Variants in ATP5F1C observed in about 807,000 individuals in gnomAD.
ATP5F1C encodes ATP synthase F(1) complex subunit gamma, mitochondrial.
Under a neutral mutation model 37.4 loss-of-function variants are expected in ATP5F1C, and 22 were observed. That is an observed-to-expected ratio of 0.59 (90% CI 0.42 to 0.84). The LOEUF (loss-of-function observed/expected upper bound fraction) is 0.84, where lower values mean the gene tolerates loss of function less well. Among genes scored for constraint, ATP5F1C ranks in the 40% least tolerant of loss-of-function variants. The pLI is 0.00. For missense variants in ATP5F1C, 286 were observed against 362.4 expected (o/e 0.79, Z 1.71); for synonymous variants, 121 against 128.0 (o/e 0.95, Z 0.37).
intron 4 of ATP5F1C, chr10:7,799,441 A>G (rs1203390038): frequency 1.8e-6 from 1 of 560,616 alleles, no homozygotes; most frequent in Non-Finnish European, 3.1e-6. Context: ...GTTGAATGCC[A>G]TGTGAATATC....
In ATP5F1C at chr10:7,802,795, T is replaced by C; in HGVS notation, c.831T>C (p.Arg277=). The C allele has an allele frequency of 6.2e-7, 1 of 1,614,054 alleles. No individual in the cohort carries two copies. The highest frequency in any genetic ancestry group is 8.5e-7 in the Non-Finnish European group (1 of 1,179,986). ...MIDKLTLTFN[R]TRQAVITKEL... is the part of the protein sequence containing the mutation. Reference sequence around the variant, plus strand: ...ACAAATTGACATTGACATTCAACCGTACCCGCCAAGCTGTCATCACAAAAG... The same window carrying C: ...ACAAATTGACATTGACATTCAACCGCACCCGCCAAGCTGTCATCACAAAAG... Residue 277 remains arginine, a synonymous_variant, in exon 8 of 10, where the codon CGT becomes CGC. Coordinates refer to ENST00000356708, the MANE Select transcript of ATP5F1C (RefSeq NM_001001973.3).
At chr10:7,794,517 C>T (rs1379760856) in intron 1 of ATP5F1C, among the ~76,000 whole-genome samples, 2 of 144,646 alleles carry the variant, frequency 1.4e-5, no homozygotes, top group Admixed American at 7.0e-5. Flanking sequence ...TTTTTTTTAG[C>T]AGGTTGAGGA....
chr10:7,798,575 T>G (rs1038487556), intron 3 of ATP5F1C, among the ~76,000 whole-genome samples: 2 of 152,094 alleles, frequency 1.3e-5, no homozygotes, highest in Non-Finnish European at 2.9e-5. Flanking sequence ...CCTGGCTAAT[T>G]TTTTTGTATT....
chr10:7,800,006 A>G lies in ATP5F1C; in HGVS notation c.573-21A>G, dbSNP rs200842688. 4.6e-4 allele frequency: 746 copies of G among 1,610,478 alleles called. 1 individual carries two copies. Among genetic ancestry groups the G allele is most frequent in the South Asian group, 4.8e-4 (43 of 89,992 alleles). On this transcript the variant is annotated intron_variant, in intron 5 of 9. Coordinates refer to ENST00000356708, the MANE Select transcript of ATP5F1C (RefSeq NM_001001973.3). ...GTTTAAAAATTATTTTGAGATTTAC[A>G]TTTGTTTTTGTCAATTCTAGGTCTG...
Position 7,800,055 on chromosome 10 carries a change from A to G in ATP5F1C, c.601A>G (p.Lys201Glu). Residue 201 changes from lysine to glutamate, a missense_variant, in exon 6 of 10, where the codon AAG becomes GAG. By Grantham distance (56) the Lys-to-Glu change is moderately conservative. Transcript: ENST00000356708. ...TGTCATCTCCTATAAGACAGAAGAA[A>G]AGCCCATCTTTTCCCTTAATACCGT... ...RSVISYKTEE[K>E]PIFSLNTVAS... 6.2e-7 allele frequency: 1 copy of G among 1,614,052 alleles called. No homozygotes were observed. The highest frequency in any genetic ancestry group is 8.5e-7 in the Non-Finnish European group (1 of 1,180,032).
chr10:7,794,208 A>G (rs147349296), intron 1 of ATP5F1C, among the ~76,000 whole-genome samples: 2 of 152,358 alleles, frequency 1.3e-5, no homozygotes, highest in East Asian at 1.9e-4. Context: ...AGCTTTTTAT[A>G]TACACTAACC....
At position 7,797,052 on chromosome 10, in the gene ATP5F1C, A is replaced by G; in HGVS notation, c.97A>G (p.Arg33Gly). 2 of 1,614,044 alleles carry G rather than the reference A, an allele frequency of 1.2e-6. No individual in the cohort carries two copies. The highest frequency in any genetic ancestry group is 1.7e-6 in the Non-Finnish European group (2 of 1,179,936). ...RNMATLKDIT[R>G]RLKSIKNIQK... is the part of the protein sequence containing the mutation. ...ACAGTACTTCTATTTTTCAGTCACCAGGAGACTAAAGTCCATCAAAAACAT... is the reference window on the plus strand; with the variant it reads ...ACAGTACTTCTATTTTTCAGTCACCGGGAGACTAAAGTCCATCAAAAACAT... Residue 33 changes from arginine to glycine, a missense_variant, in exon 3 of 10, where the codon AGG becomes GGG. Coordinates refer to ENST00000356708, the MANE Select transcript of ATP5F1C (RefSeq NM_001001973.3).
chr10:7,795,936 G>A (rs1317031352), intron 1 of ATP5F1C, among the ~76,000 whole-genome samples, 185 bp from the exon 2 acceptor site: 1 of 152,162 alleles, frequency 6.6e-6, no homozygotes, highest in African/African-American at 2.4e-5. Flanking sequence ...CTTCAATACA[G>A]GGATTTGCGC....
chr10:7,788,353 G>A (rs1002766049), intron 1 of ATP5F1C, 90 bp downstream of exon 1: 186 of 1,536,376 alleles, frequency 1.2e-4, no homozygotes, highest in Non-Finnish European at 1.6e-4. Flanking sequence ...CGCGGGGGCA[G>A]ATGTGGGGTC....
chr10:7,800,362 A>AT (rs1332886933), intron 6 of ATP5F1C, among the ~76,000 whole-genome samples: 2 of 147,218 alleles, frequency 1.4e-5, no homozygotes, highest in African/African-American at 5.0e-5. Flanking sequence ...AGCCTGGCTA[A>AT]TTTTTTGTAT....
chr10:7,790,959 A>G (rs555951391), intron 1 of ATP5F1C, among the ~76,000 whole-genome samples: 16 of 152,348 alleles, frequency 1.1e-4, no homozygotes, highest in East Asian at 1.9e-4. Context: ...CAGTTTCTAC[A>G]TCAAATGTAA....
chr10:7,794,134 T>C (rs1056638315), intron 1 of ATP5F1C, among the ~76,000 whole-genome samples: 2 of 152,196 alleles, frequency 1.3e-5, no homozygotes, highest in African/African-American at 2.4e-5. Context: ...AACCATACAA[T>C]TGTGTGCGGG....
At chr10:7,804,906 T>C (rs981582581) in intron 8 of ATP5F1C, among the ~76,000 whole-genome samples, 1 of 152,236 alleles carries the variant, frequency 6.6e-6, no homozygotes, top group Non-Finnish European at 1.5e-5. Context: ...CCTTAAGTGT[T>C]ACTTTTCAAG....
chr10:7,792,321 A>G (rs780745771), intron 1 of ATP5F1C, among the ~76,000 whole-genome samples: 1 of 152,154 alleles, frequency 6.6e-6, no homozygotes, highest in Non-Finnish European at 1.5e-5. Context: ...GGAAGTTGAG[A>G]CTGCAGGAAG....
chr10:7,797,364 T>A (rs990416544), intron 3 of ATP5F1C, among the ~76,000 whole-genome samples, 186 bp downstream of exon 3: 5 of 152,186 alleles, frequency 3.3e-5, no homozygotes, highest in Non-Finnish European at 7.3e-5. Flanking sequence ...AGGTAGGGAC[T>A]GTTAGAATCC....
intron 1 of ATP5F1C, among the ~76,000 whole-genome samples, chr10:7,790,858 G>C (rs1836151704): frequency 6.6e-6 from 1 of 152,206 alleles, no homozygotes; most frequent in Non-Finnish European, 1.5e-5. Flanking sequence ...GTGAGGATTA[G>C]AGTATTTGCA....
At chr10:7,796,672 C>T (rs550069891) in intron 2 of ATP5F1C, 39 of 132,650 alleles carry the variant, frequency 2.9e-4, no homozygotes, top group South Asian at 1.7e-3. Flanking sequence ...GCAAGCTCCG[C>T]CTCCCGGGTT....
At chr10:7,802,944 T>C in intron 8 of ATP5F1C, 90 bp downstream of exon 8, 1 of 1,103,208 alleles carries the variant, frequency 9.1e-7, no homozygotes. Context: ...TTCGTTTTTT[T>C]CTTTTGAAGT....
At chr10:7,795,453 GC>G (rs1429419540) in intron 1 of ATP5F1C, among the ~76,000 whole-genome samples, 1 of 152,008 alleles carries the variant, frequency 6.6e-6, no homozygotes, top group Non-Finnish European at 1.5e-5. Context: ...TTTCATTTAA[GC>G]CTAATCATTT....
Sources: allele counts gnomAD v4.1 joint callset (sites outside exome capture counted in the v4.1 genomes callset), GRCh38; gene constraint gnomAD v4.1.1; transcripts MANE v1.5; gene names NCBI Gene and HGNC (gene_info 2026-07-23, HGNC 2026-07-21).